Variants in LRP2 observed in about 807,000 individuals in gnomAD.
LRP2 encodes the protein low-density lipoprotein receptor-related protein 2.
A neutral mutation model predicts 531.0 loss-of-function variants in LRP2; 172 were observed. The ratio of observed to expected loss-of-function variants is 0.32; its 90% CI spans 0.29 to 0.37. LRP2 has a LOEUF of 0.37. Among genes scored for constraint, LRP2 ranks in the 10% least tolerant of loss-of-function variants. The probability of loss-of-function intolerance (pLI) is 1.00; values close to 1 mark genes in which losing one functional copy is unlikely to be tolerated. For synonymous variants in LRP2, 1,992 were observed against 2,027.6 expected (o/e 0.98, Z 0.47); for missense variants, 5,167 against 5,868.3 (o/e 0.88, Z 3.90).
In LRP2 at chr2:169,132,619, T is replaced by G. The variant is rs201658548; in HGVS notation, c.13683A>C (p.Ile4561=). 12 of 1,611,782 alleles carry G rather than the reference T, an allele frequency of 7.4e-6. No homozygotes were observed. The highest frequency in any genetic ancestry group is 4.5e-5 in the East Asian group (2 of 44,866). Residue 4561 remains isoleucine (I), a synonymous_variant, in exon 77 of 79, where the codon ATA becomes ATC. Coordinates refer to ENST00000649046, the MANE Select transcript of LRP2 (RefSeq NM_004525.3). ...GTGAAGTTGGGTTTGTCTCTGGAAC[T>G]ATCTCAGAAGGGTTTATGGGACTTC... ...NYGSPINPSE[I]VPETNPTSPA...
intron 45 of LRP2, among the ~76,000 whole-genome samples, chr2:169,198,433 A>C (rs1012743560): frequency 6.6e-6 from 1 of 152,166 alleles, no homozygotes; most frequent in Non-Finnish European, 1.5e-5. Flanking sequence ...ATTTTCAGTT[A>C]CTGATGGCCA....
chr2:169,310,381 A>G (rs1377142121), intron 3 of LRP2, among the ~76,000 whole-genome samples: 1 of 152,150 alleles, frequency 6.6e-6, no homozygotes, highest in Admixed American at 6.5e-5. Flanking sequence ...TCCCATTGAT[A>G]CCTAATTTAT....
chr2:169,183,554 T>C (rs1466203808), intron 50 of LRP2, among the ~76,000 whole-genome samples: 1 of 152,214 alleles, frequency 6.6e-6, no homozygotes, highest in African/African-American at 2.4e-5. Flanking sequence ...CCTGTTGCTA[T>C]TACCATTCAA....
At chr2:169,133,687 A>C (rs1330164467) in intron 76 of LRP2, among the ~76,000 whole-genome samples, 1 of 152,182 alleles carries the variant, frequency 6.6e-6, no homozygotes, top group Non-Finnish European at 1.5e-5. Flanking sequence ...CAAGCAGTAA[A>C]AGTGGCGCTG....
At chr2:169,259,360 A>T in intron 16 of LRP2, 143 bp from the exon 17 acceptor site, 1 of 635,974 alleles carries the variant, frequency 1.6e-6, no homozygotes, top group Non-Finnish European at 2.7e-6. Context: ...AAAAAAAAAA[A>T]AAAAAACTCT....
chr2:169,293,372 CTA>C (rs1187086839), intron 6 of LRP2, among the ~76,000 whole-genome samples: 1 of 152,164 alleles, frequency 6.6e-6, no homozygotes, highest in Admixed American at 6.5e-5. Context: ...AGAAAGCCAC[CTA>C]TACCACACTG....
intron 16 of LRP2, among the ~76,000 whole-genome samples, chr2:169,263,114 A>C (rs1574194900): frequency 1.3e-5 from 2 of 152,344 alleles, no homozygotes; most frequent in South Asian, 2.1e-4. Flanking sequence ...TTAAAGACTT[A>C]AATATTAGAC....
chr2:169,307,801 T>C (rs1684466879), intron 3 of LRP2, among the ~76,000 whole-genome samples: 1 of 152,192 alleles, frequency 6.6e-6, no homozygotes, highest in South Asian at 2.1e-4. Context: ...CAGAGTGGTG[T>C]GAATATGAAT....
At chr2:169,139,185 C>T (rs1685627841) in intron 74 of LRP2, 66 bp downstream of exon 74, 11 of 1,607,830 alleles carry the variant, frequency 6.8e-6, no homozygotes, top group Non-Finnish European at 9.4e-6. Context: ...AAAACTAAGT[C>T]CTTCACATGG....
At chr2:169,283,389 T>C (rs1338565503) in intron 9 of LRP2, among the ~76,000 whole-genome samples, 2 of 152,230 alleles carry the variant, frequency 1.3e-5, no homozygotes, top group East Asian at 1.9e-4. Flanking sequence ...AATGTATCTT[T>C]AGATTAATTA....
chr2:169,135,726 C>CA (rs1685478677), intron 76 of LRP2, among the ~76,000 whole-genome samples: 1 of 8,524 alleles, frequency 1.2e-4, no homozygotes, highest in Non-Finnish European at 2.8e-4. Flanking sequence ...CAGGGTACAG[C>CA]CATTTAAGCT....
intron 21 of LRP2, among the ~76,000 whole-genome samples, chr2:169,246,062 G>T (rs1478657479): frequency 6.6e-6 from 1 of 152,094 alleles, no homozygotes; most frequent in Non-Finnish European, 1.5e-5. Context: ...GGGTGTGGTG[G>T]CATGTGCCTG....
Position 169,173,015 on chromosome 2 carries a change from C to T in LRP2, c.11143+81G>A, listed in dbSNP as rs573619575. ...AAGAAAAGATGACATGGGAAATACA[C>T]TCTCATCTCTCATCTAATAAATGGC... On this transcript the variant is annotated intron_variant, in intron 57 of 78. Coordinates refer to ENST00000649046, the MANE Select transcript of LRP2 (RefSeq NM_004525.3). The T allele has an allele frequency of 2.8e-4, 393 of 1,399,860 alleles. 6 individuals are homozygous for T. The South Asian group carries it at 4.0e-3, about 14-fold the overall frequency. The allele number at this position is 1,399,860 out of a possible 1,614,324, so 86.7% of individuals were successfully genotyped here. A position where few individuals can be genotyped will look rare whatever the true frequency, so the allele number is the denominator to read the frequency against.
intron 1 of LRP2, among the ~76,000 whole-genome samples, chr2:169,328,813 A>T (rs371484445): frequency 6.6e-6 from 1 of 152,226 alleles, no homozygotes; most frequent in Non-Finnish European, 1.5e-5. Flanking sequence ...CAGAGCCTGT[A>T]CTTATTTCAT....
At chr2:169,288,566 A>T (rs373755019) in intron 9 of LRP2, among the ~76,000 whole-genome samples, 2 of 119,730 alleles carry the variant, frequency 1.7e-5, no homozygotes, top group African/African-American at 6.9e-5. Flanking sequence ...TGTGTCAGGT[A>T]ACAACTCTTT....
At chr2:169,326,033 A>T (rs1222352772) in intron 1 of LRP2, among the ~76,000 whole-genome samples, 1 of 152,170 alleles carries the variant, frequency 6.6e-6, no homozygotes, top group Non-Finnish European at 1.5e-5. Context: ...ATGATGCCAG[A>T]TTCACTAAAG....
At position 169,241,031 on chromosome 2, in the gene LRP2, G is replaced by A. The variant is rs1324386134; in HGVS notation, c.4002C>T (p.Gly1334=). 1 of 1,614,066 alleles carries A rather than the reference G, an allele frequency of 6.2e-7. No individual in the cohort carries two copies. The highest frequency in any genetic ancestry group is 1.1e-5 in the South Asian group (1 of 91,072). Residue 1334 remains glycine (G), a synonymous_variant, in exon 25 of 79, where the codon GGC becomes GGT. Coordinates refer to ENST00000649046, the MANE Select transcript of LRP2 (RefSeq NM_004525.3). The part of the protein sequence containing the change: ...ICVNLSVVCD[G]IFDCPNGTDE... ...CTGTCCCATTGGGGCAGTCAAAGAT[G>A]CCATCACACACTACACTCAGATTCA... is the stretch of plus-strand genomic sequence containing the variant.
At position 169,175,275 on chromosome 2, in the gene LRP2, G is replaced by A. The variant is rs1341528276; in HGVS notation, c.10686C>T (p.Asp3562=). 24 of 1,614,172 alleles carry A rather than the reference G, an allele frequency of 1.5e-5. No homozygotes were observed. The Middle Eastern group carries it at 4.9e-4, about 33-fold the overall frequency. Residue 3562 remains aspartate, a synonymous_variant, in exon 55 of 79, where the codon GAC becomes GAT. Transcript: ENST00000649046. ...AAGTCTGCGGGCTGGTGCAGTTGCC[G>A]TCACTGCACTGGAACTGTCCCAGTC... ...FCRLGQFQCS[D]GNCTSPQTLC...
rs1373310562 is a variant in LRP2 at position 169,166,033 on chromosome 2, G to A, written c.11657C>T (p.Pro3886Leu). Residue 3886 changes from proline to leucine, a missense_variant, in exon 62 of 79, where the codon CCA (proline) becomes CTA (leucine). Transcript: ENST00000649046. ...HLCLDVPCNS[P>L]NRFRCDNNRC... The stretch of plus-strand genomic sequence containing the variant: ...ATTGTTGTCACACCGGAAACGGTTT[G>A]GTGAATTACAGGGAACATCCACTGA... The A allele has an allele frequency of 1.2e-6, 2 of 1,613,978 alleles. No individual in the cohort carries two copies. Among genetic ancestry groups the A allele is most frequent in the South Asian group, 2.2e-5 (2 of 91,074 alleles).
Sources: allele counts gnomAD v4.1 joint callset (sites outside exome capture counted in the v4.1 genomes callset), GRCh38; gene constraint gnomAD v4.1.1; transcripts MANE v1.5; gene names NCBI Gene and HGNC (gene_info 2026-07-23, HGNC 2026-07-21).